POLN: variants seen among roughly 807,000 people sequenced by gnomAD.
The protein encoded by POLN is DNA polymerase nu.
Under a neutral mutation model 113.5 loss-of-function variants are expected in POLN, and 108 were observed. The ratio of observed to expected loss-of-function variants is 0.95; its 90% CI spans 0.81 to 1.12. The LOEUF is 1.12. POLN is among the 50% of genes most tolerant of loss of function. The pLI, the probability that POLN is intolerant of heterozygous loss-of-function variation, is 0.00. For synonymous variants in POLN, 386 were observed against 391.5 expected (o/e 0.99, Z 0.17); for missense variants, 1,097 against 1,077.1 (o/e 1.02, Z -0.26).
intron 20 of POLN, chr4:2,090,096 G>C: frequency 1.1e-6 from 1 of 930,626 alleles, no homozygotes; most frequent in Non-Finnish European, 1.7e-6. Context: ...CAAAGGGTTT[G>C]CTACTATAAT....
At chr4:2,119,678 G>C (rs1255701354) in intron 19 of POLN, among the ~76,000 whole-genome samples, 1 of 152,028 alleles carries the variant, frequency 6.6e-6, no homozygotes, top group African/African-American at 2.4e-5. Flanking sequence ...TGCTTTTTGT[G>C]TTTCAAACAA....
intron 17 of POLN, among the ~76,000 whole-genome samples, chr4:2,129,786 G>C (rs545509705): frequency 6.6e-6 from 1 of 152,156 alleles, no homozygotes; most frequent in East Asian, 1.9e-4. Context: ...TCTTAATGAA[G>C]AAAAGAAAAA....
At chr4:2,220,679 C>T (rs1209777725) in intron 3 of POLN, among the ~76,000 whole-genome samples, 1 of 152,244 alleles carries the variant, frequency 6.6e-6, no homozygotes, top group Non-Finnish European at 1.5e-5. Flanking sequence ...TTCCTGGTAG[C>T]TACTCCTGCT....
At chr4:2,161,651 G>C (rs1468826247) in intron 13 of POLN, among the ~76,000 whole-genome samples, 4 of 152,232 alleles carry the variant, frequency 2.6e-5, no homozygotes, top group Admixed American at 1.3e-4. Context: ...TGAGGAGTGC[G>C]GGCGCACGGC....
chr4:2,176,322 G>A lies in POLN; in HGVS notation c.1192C>T (p.Arg398Cys), dbSNP rs369723546. ...CTGTAGAGTGTCTTCAGGTTCTCAC[G>A]TACATTCTGATTCTTTAAAAGAGCA... ...SSRNIVNQNV[R>C]ENLKTLYRLT... Residue 398 changes from arginine to cysteine, a missense_variant, in exon 9 of 26, where the codon CGT becomes TGT. Coordinates refer to ENST00000511885, the MANE Select transcript of POLN (RefSeq NM_181808.4). The A allele has an allele frequency of 3.9e-5, 62 of 1,596,648 alleles. No individual in the cohort carries two copies. The Middle Eastern group carries it at 8.3e-4, about 21-fold the overall frequency.
At chr4:2,156,603 G>A (rs1732439884) in intron 16 of POLN, 185 bp downstream of exon 16, 1 of 662,474 alleles carries the variant, frequency 1.5e-6, no homozygotes, top group South Asian at 1.6e-5. Context: ...CACTTCATGA[G>A]AAGAGAACCC....
intron 16 of POLN, chr4:2,156,308 G>A (rs1203294266): frequency 8.0e-6 from 3 of 373,572 alleles, no homozygotes; most frequent in Admixed American, 7.2e-5. Flanking sequence ...AAAATACAGA[G>A]CCATTTAGAA....
intron 7 of POLN, 43 bp from the exon 8 acceptor site, chr4:2,179,508 T>C (rs758213731): frequency 5.7e-6 from 9 of 1,585,276 alleles, no homozygotes; most frequent in Admixed American, 1.8e-5. Context: ...GAAAAACCAA[T>C]AGTTGTTTTT....
At position 2,083,785 on chromosome 4, in the gene POLN, C is replaced by T. The variant is rs549334823; in HGVS notation, c.2197+1828G>A. 2.0e-5 allele frequency among the ~76,000 whole-genome samples: 3 copies of T among 152,394 alleles called. No individual in the cohort carries two copies. The East Asian group carries it at 5.8e-4, about 29-fold the overall frequency. Reference sequence around the variant, plus strand: ...TTAAATGAGTTGCCAGCTCAACCGGCTGTGGCCCCACTGATGCCACCTGGC... The same window carrying T: ...TTAAATGAGTTGCCAGCTCAACCGGTTGTGGCCCCACTGATGCCACCTGGC... On this transcript the variant is annotated intron_variant, in intron 21 of 25. Coordinates refer to ENST00000511885, the MANE Select transcript of POLN (RefSeq NM_181808.4).
At chr4:2,232,860 CAA>C (rs1000495893) in intron 2 of POLN, among the ~76,000 whole-genome samples, 1 of 152,064 alleles carries the variant, frequency 6.6e-6, no homozygotes, top group Non-Finnish European at 1.5e-5. Context: ...CCAGTATCAC[CAA>C]AGAGGTTCTC....
chr4:2,074,310 C>A (rs954897310), intron 24 of POLN, among the ~76,000 whole-genome samples: 1 of 152,164 alleles, frequency 6.6e-6, no homozygotes, highest in Non-Finnish European at 1.5e-5. Context: ...AGGGATGGTG[C>A]AGGCCCCGCC....
At chr4:2,080,681 C>A in intron 23 of POLN, 1 of 1,347,364 alleles carries the variant, frequency 7.4e-7, no homozygotes, top group African/African-American at 1.5e-5. Flanking sequence ...AGGGGTGCCC[C>A]TGTGCTGTGC....
intron 19 of POLN, among the ~76,000 whole-genome samples, chr4:2,105,647 C>A (rs542701552): frequency 5.9e-5 from 9 of 152,052 alleles, no homozygotes; most frequent in African/African-American, 2.2e-4. Flanking sequence ...ACTGGTATAA[C>A]ACAAGGCAGA....
chr4:2,239,194 A>C (rs1734882005), intron 2 of POLN: 1 of 510,570 alleles, frequency 2.0e-6, no homozygotes, highest in Non-Finnish European at 3.4e-6. Flanking sequence ...ATTACAGTTT[A>C]AAAGGGAAAA....
intron 19 of POLN, among the ~76,000 whole-genome samples, chr4:2,120,499 AT>A (rs925442593): frequency 6.2e-4 from 91 of 146,286 alleles, no homozygotes; most frequent in Admixed American, 6.9e-4. Flanking sequence ...CTATAGAGTG[AT>A]TTTTTTTTTT....
chr4:2,240,150 T>C lies in POLN; in HGVS notation c.-13+1370A>G, dbSNP rs774847590. ...ATGTTGAGCACAAATGTATGCGAGC[T>C]GCAGTCTAGCCATCTCTAGTCGTCT... On this transcript the variant is annotated intron_variant, in intron 2 of 25. Coordinates refer to ENST00000511885, the MANE Select transcript of POLN (RefSeq NM_181808.4). The C allele has an allele frequency of 3.5e-5, 57 of 1,613,894 alleles. No individual in the cohort carries two copies. The highest frequency in any genetic ancestry group is 4.5e-5 in the East Asian group (2 of 44,878).
intron 3 of POLN, among the ~76,000 whole-genome samples, chr4:2,222,418 T>A (rs898038703): frequency 6.6e-6 from 1 of 150,606 alleles, no homozygotes; most frequent in African/African-American, 2.4e-5. Context: ...TAGCCGGGCA[T>A]GCACACCTGT....
intron 6 of POLN, among the ~76,000 whole-genome samples, chr4:2,195,519 T>A (rs1279742980): frequency 2.0e-5 from 3 of 151,212 alleles, no homozygotes; most frequent in South Asian, 2.1e-4. Flanking sequence ...GGCCTCACTC[T>A]GTCATCCAGG....
rs1185125675 is a variant in POLN at position 2,093,263 on chromosome 4, GCTGCC to G, written c.2065+2583_2065+2587del. 1.3e-5 allele frequency among the ~76,000 whole-genome samples: 2 copies of G among 152,220 alleles called. No individual in the cohort carries two copies. Among genetic ancestry groups the G allele is most frequent in the Non-Finnish European group, 2.9e-5 (2 of 68,040 alleles). ...CTCCCTCCTAGCTGGATTTGGGGTG[GCTGCC>G]CCCACTGGGGACAAGGCCGGGGCTG... On this transcript the variant is annotated intron_variant, in intron 20 of 25. Transcript: ENST00000511885. The surrounding 1 kb of genome is among the most constrained non-coding windows in gnomAD (Gnocchi z 4.1).
Sources: gnomAD v4.1 joint callset for allele counts (sites outside exome capture counted in the v4.1 genomes callset) on GRCh38, gnomAD v4.1.1 for gene constraint, Gnocchi (gnomAD v3.1) non-coding constraint, MANE v1.5 for transcripts, NCBI Gene and HGNC (gene_info 2026-07-23, HGNC 2026-07-21) for gene names.